C8B: variants seen among roughly 807,000 people sequenced by gnomAD.
C8B encodes the protein complement C8 beta chain, also known as complement component C8 beta chain.
A neutral mutation model predicts 64.6 loss-of-function variants in C8B; 67 were observed. The observed-to-expected ratio is 1.04, with a 90% CI of 0.85 to 1.27. C8B has a LOEUF of 1.27. C8B is among the 50% of genes most tolerant of loss of function. The probability of loss-of-function intolerance (pLI) is 0.00; values close to 1 mark genes in which losing one functional copy is unlikely to be tolerated. For missense variants in C8B, 790 were observed against 725.2 expected (o/e 1.09, Z -1.03); for synonymous variants, 284 against 257.7 (o/e 1.10, Z -0.98).
intron 2 of C8B, among the ~76,000 whole-genome samples, chr1:56,957,806 G>A (rs1378306294): frequency 6.6e-6 from 1 of 152,136 alleles, no homozygotes; most frequent in Admixed American, 6.5e-5. Flanking sequence ...TGCAATGAGT[G>A]CCATGACAGG....
At position 56,933,638 on chromosome 1, in the gene C8B, G is replaced by T. The variant is rs536192154; in HGVS notation, c.1399-150C>A. ...TAGATGGATCTCCCATCTTCTCTCT[G>T]CTTCCCCTTACCCGATATACACAAA... On this transcript the variant is annotated intron_variant, in intron 9 of 11. Coordinates refer to ENST00000371237, the MANE Select transcript of C8B (RefSeq NM_000066.4). The T allele has an allele frequency of 8.2e-6, 6 of 730,070 alleles. No individual in the cohort carries two copies. In the African/African-American group the frequency reaches 1.0e-4, roughly 13 times the overall value. The allele number at this position is 730,070 out of a possible 1,614,324, so 45.2% of individuals were successfully genotyped here. A position where few individuals can be genotyped will look rare whatever the true frequency, so the allele number is the denominator to read the frequency against.
chr1:56,938,066 G>A (rs1458804313), intron 9 of C8B, among the ~76,000 whole-genome samples: 2 of 152,182 alleles, frequency 1.3e-5, no homozygotes, highest in Non-Finnish European at 1.5e-5. Context: ...TCAATGAGCT[G>A]TTCATTCTGC....
intron 7 of C8B, 77 bp downstream of exon 7, chr1:56,945,744 T>G (rs1190966775): frequency 2.5e-6 from 4 of 1,576,038 alleles, no homozygotes; most frequent in Non-Finnish European, 3.5e-6. Flanking sequence ...GCCAGGAAGG[T>G]AGAAAGAAAA....
intron 1 of C8B, chr1:56,963,877 T>C (rs935177287): frequency 1.0e-6 from 1 of 985,304 alleles, no homozygotes; most frequent in African/African-American, 1.7e-5. Context: ...ATCATCTGAC[T>C]TGATTACAAG....
intron 5 of C8B, among the ~76,000 whole-genome samples, chr1:56,951,157 A>G (rs1453922534): frequency 6.6e-6 from 1 of 152,154 alleles, no homozygotes; most frequent in Non-Finnish European, 1.5e-5. Flanking sequence ...GACTCACTGT[A>G]GCCTCAACCT....
chr1:56,947,919 A>G (rs145392333), intron 6 of C8B, among the ~76,000 whole-genome samples: 4,415 of 151,460 alleles, frequency 0.029, 197 homozygotes, highest in African/African-American at 0.1. Context: ...CAACAGAGCA[A>G]GACTCTGTCT....
chr1:56,954,581 G>T, intron 4 of C8B, 105 bp downstream of exon 4: 1 of 1,454,842 alleles, frequency 6.9e-7, no homozygotes, highest in Non-Finnish European at 9.6e-7. Context: ...TCTCAGAAAG[G>T]TGAGTGAGGA....
chr1:56,949,800 A>G (rs760151496), intron 5 of C8B, 48 bp from the exon 6 acceptor site: 9 of 1,328,564 alleles, frequency 6.8e-6, no homozygotes, highest in Non-Finnish European at 9.5e-6. Context: ...GACTCAAATC[A>G]GTTCAATACC....
intron 2 of C8B, among the ~76,000 whole-genome samples, chr1:56,958,202 T>G (rs1198731514): frequency 6.6e-6 from 1 of 152,120 alleles, no homozygotes; most frequent in Non-Finnish European, 1.5e-5. Flanking sequence ...AATGAGAAAC[T>G]GCTGCAGAGG....
chr1:56,943,681 G>A lies in C8B; in HGVS notation c.1234+15C>T. 6.2e-7 allele frequency: 1 copy of A among 1,613,898 alleles called. No homozygotes were observed. The highest frequency in any genetic ancestry group is 1.1e-5 in the South Asian group (1 of 91,076). On this transcript the variant is annotated intron_variant, in intron 8 of 11. Transcript: ENST00000371237. ...AACATTATAAGTGTGGAAGTCACAAGCCCCTGTCACTCACCTTTTATTTCA... is the reference window on the plus strand; with the variant it reads ...AACATTATAAGTGTGGAAGTCACAAACCCCTGTCACTCACCTTTTATTTCA...
intron 10 of C8B, among the ~76,000 whole-genome samples, chr1:56,932,995 T>C (rs954554523): frequency 6.6e-6 from 1 of 152,154 alleles, no homozygotes; most frequent in African/African-American, 2.4e-5. Context: ...GGCCCATCCT[T>C]GCTGCTACCC....
Position 56,949,536 on chromosome 1 carries a change from G to A in C8B, c.864+19C>T. Reference sequence around the variant, plus strand: ...AGTAAGACAACATATACGTTTAAAAGCAACAAAGACATACTTACAGTATGA... The same window carrying A: ...AGTAAGACAACATATACGTTTAAAAACAACAAAGACATACTTACAGTATGA... On this transcript the variant is annotated intron_variant, in intron 6 of 11. Coordinates refer to ENST00000371237, the MANE Select transcript of C8B (RefSeq NM_000066.4). 1.2e-6 allele frequency: 2 copies of A among 1,603,828 alleles called. No individual in the cohort carries two copies. Among genetic ancestry groups the A allele is most frequent in the Non-Finnish European group, 1.7e-6 (2 of 1,170,856 alleles).
chr1:56,929,922 C>A (rs2101345194), intron 11 of C8B, among the ~76,000 whole-genome samples: 1 of 152,314 alleles, frequency 6.6e-6, no homozygotes, highest in South Asian at 2.1e-4. Flanking sequence ...GTTCTCTGAG[C>A]ATTTTGTAGC....
At chr1:56,959,411 C>T in intron 2 of C8B, 1 of 674,242 alleles carries the variant, frequency 1.5e-6, no homozygotes, top group Non-Finnish European at 2.7e-6. Context: ...CTTTATCCAA[C>T]TGGAGGTAGG....
At chr1:56,956,189 C>A (rs753684400) in intron 3 of C8B, among the ~76,000 whole-genome samples, 1 of 152,134 alleles carries the variant, frequency 6.6e-6, no homozygotes, top group Non-Finnish European at 1.5e-5. Flanking sequence ...ATGCTAACTG[C>A]CCTATGTAAC....
At chr1:56,957,800 A>G (rs1278212753) in intron 2 of C8B, among the ~76,000 whole-genome samples, 1 of 152,148 alleles carries the variant, frequency 6.6e-6, no homozygotes, top group African/African-American at 2.4e-5. Flanking sequence ...GCACAGTGCA[A>G]TGAGTGCCAT....
chr1:56,954,975 G>A lies in C8B; in HGVS notation c.392-148C>T, dbSNP rs190550883. On this transcript the variant is annotated intron_variant, in intron 3 of 11. Coordinates refer to ENST00000371237, the MANE Select transcript of C8B (RefSeq NM_000066.4). ...AGTCATCCTGTATCCAGATAGATTG[G>A]TTATGGCACTAACAGTTTATTCCTC... The A allele has an allele frequency of 2.2e-4, 201 of 900,610 alleles. No homozygotes were observed. The East Asian group carries it at 3.7e-3, about 17-fold the overall frequency. The allele number at this position is 900,610 out of a possible 1,614,324, so 55.8% of individuals were successfully genotyped here.
At chr1:56,933,534 A>G in intron 9 of C8B, 46 bp from the exon 10 acceptor site, 1 of 1,559,106 alleles carries the variant, frequency 6.4e-7, no homozygotes, top group Non-Finnish European at 8.8e-7. Flanking sequence ...AACATTTATC[A>G]AGTAGAAGTG....
intron 1 of C8B, among the ~76,000 whole-genome samples, chr1:56,963,466 C>G (rs569947874): frequency 6.6e-6 from 1 of 151,910 alleles, no homozygotes; most frequent in East Asian, 1.9e-4. Flanking sequence ...TTCTCTCTGT[C>G]GTTTGCTGTG....
Sources: allele counts gnomAD v4.1 joint callset (sites outside exome capture counted in the v4.1 genomes callset), GRCh38; gene constraint gnomAD v4.1.1; transcripts MANE v1.5; gene names NCBI Gene and HGNC (gene_info 2026-07-23, HGNC 2026-07-21).